NFIB: variants seen among roughly 807,000 people sequenced by gnomAD.
NFIB encodes the protein nuclear factor I B.
Under a neutral mutation model 61.5 loss-of-function variants are expected in NFIB, and 11 were observed. That is an observed-to-expected ratio of 0.18 (90% CI 0.11 to 0.30). NFIB has a LOEUF of 0.30. Ranked by LOEUF, NFIB falls within the 10% of genes least tolerant of loss-of-function variation. The pLI is 1.00. For synonymous variants in NFIB, 260 were observed against 216.5 expected, an observed-to-expected ratio of 1.20 and a Z score of -1.76; for missense variants, 471 against 608.9, an observed-to-expected ratio of 0.77 and a Z score of 2.38.
At chr9:14,294,149 T>G (rs1336936645) in intron 2 of NFIB, among the ~76,000 whole-genome samples, 1 of 152,212 alleles carries the variant, frequency 6.6e-6, no homozygotes, top group Non-Finnish European at 1.5e-5. Context: ...CAAAAGGGAT[T>G]AATGTAGTAT....
At chr9:14,280,739 C>T (rs1240089308) in intron 2 of NFIB, among the ~76,000 whole-genome samples, 2 of 151,882 alleles carry the variant, frequency 1.3e-5, no homozygotes. Flanking sequence ...GAGGATGCAC[C>T]TATTTTGTAA....
upstream of NFIB, among the ~76,000 whole-genome samples, chr9:14,315,387 C>T (rs537328973): frequency 6.6e-6 from 1 of 150,876 alleles, no homozygotes; most frequent in South Asian, 2.1e-4. Flanking sequence ...CCTCCACCTC[C>T]TCCCCGCGCC....
chr9:14,330,846 C>T (rs761004734), intron 1 of NFIB, among the ~76,000 whole-genome samples: 4 of 152,084 alleles, frequency 2.6e-5, no homozygotes, highest in Non-Finnish European at 4.4e-5. Context: ...GCTCCAGGCT[C>T]ATTCATAGAT....
chr9:14,516,139 G>T, the NFIB span, among the ~76,000 whole-genome samples: 1 of 152,228 alleles, frequency 6.6e-6, no homozygotes, highest in Non-Finnish European at 1.5e-5. Context: ...TCGAACCACA[G>T]TCAGGCGCAG....
intron 2 of NFIB, among the ~76,000 whole-genome samples, chr9:14,281,176 T>G (rs1588105961): frequency 6.6e-6 from 1 of 152,202 alleles, no homozygotes; most frequent in Non-Finnish European, 1.5e-5. Flanking sequence ...GCTTGACAGT[T>G]GTTAACAGTT....
chr9:14,384,368 T>A (rs1364930019), intron 1 of NFIB, among the ~76,000 whole-genome samples: 4 of 152,184 alleles, frequency 2.6e-5, no homozygotes, highest in African/African-American at 9.7e-5. Flanking sequence ...TAAAATTAGT[T>A]CAAATATTTC....
At chr9:14,501,535 G>C in the NFIB span, among the ~76,000 whole-genome samples, 1 of 152,044 alleles carries the variant, frequency 6.6e-6, no homozygotes, top group Admixed American at 6.6e-5. Flanking sequence ...TATTTCACAG[G>C]TTAATTGTGA....
chr9:14,206,491 A>G (rs1411787511), intron 2 of NFIB, among the ~76,000 whole-genome samples: 2 of 151,780 alleles, frequency 1.3e-5, no homozygotes, highest in Non-Finnish European at 2.9e-5. Flanking sequence ...TTAAAACTTG[A>G]GCTAATTTCT....
intron 2 of NFIB, among the ~76,000 whole-genome samples, chr9:14,212,701 G>A (rs1458893370): frequency 6.6e-6 from 1 of 151,134 alleles, no homozygotes; most frequent in African/African-American, 2.4e-5. Context: ...ATTAATAAAT[G>A]TTTGCTAGAT....
rs180813009 is a variant in NFIB, at chr9:14,120,948, T to C, written c.1061-324A>G. Among the ~76,000 whole-genome samples the C allele has an allele frequency of 3.3e-5, 5 of 152,316 alleles. No individual in the cohort carries two copies. The highest frequency in any genetic ancestry group is 1.9e-4 in the East Asian group (1 of 5,180). On this transcript the variant is annotated intron_variant, in intron 7 of 10. Transcript: ENST00000380953. This position sits in a 1 kb window ranked among gnomAD's most constrained non-coding sequence, Gnocchi z 4.4. ...CTTCTTTGAGCAAAGATATATCCCG[T>C]TGAAAACATATTCTTTGATTATAAA...
intron 1 of NFIB, among the ~76,000 whole-genome samples, chr9:14,373,133 G>T (rs1044249828): frequency 2.0e-5 from 3 of 152,190 alleles, no homozygotes; most frequent in Non-Finnish European, 4.4e-5. Context: ...GAGAAGGGTG[G>T]TGGGAATGCT....
the NFIB span, among the ~76,000 whole-genome samples, chr9:14,494,746 T>C: frequency 5.3e-5 from 8 of 152,216 alleles, no homozygotes; most frequent in Admixed American, 2.0e-4. Flanking sequence ...TAAAGACTTA[T>C]TGCAGAACAG....
At chr9:14,369,339 T>C (rs1255765825) in intron 1 of NFIB, among the ~76,000 whole-genome samples, 1 of 152,218 alleles carries the variant, frequency 6.6e-6, no homozygotes, top group Non-Finnish European at 1.5e-5. Context: ...TTTCAAATTA[T>C]CTAATTATCA....
chr9:14,423,117 G>A, the NFIB span, among the ~76,000 whole-genome samples: 1 of 152,178 alleles, frequency 6.6e-6, no homozygotes, highest in Non-Finnish European at 1.5e-5. Flanking sequence ...AATTCAGAGT[G>A]CTACCATTAG....
At chr9:14,347,282 A>T (rs1564022803) in intron 1 of NFIB, 3 of 152,000 alleles carry the variant, frequency 2.0e-5, no homozygotes, top group Non-Finnish European at 4.4e-5. Context: ...AGAGTGGGGG[A>T]TGAGAAACGA....
At chr9:14,339,769 T>C (rs1030420350) in intron 1 of NFIB, among the ~76,000 whole-genome samples, 3 of 152,156 alleles carry the variant, frequency 2.0e-5, no homozygotes, top group African/African-American at 7.2e-5. Context: ...CATCTGCTAA[T>C]TTGTAAGAGA....
chr9:14,524,880 T>G, the NFIB span, among the ~76,000 whole-genome samples: 1 of 152,192 alleles, frequency 6.6e-6, no homozygotes, highest in South Asian at 2.1e-4. Flanking sequence ...TATGTATACC[T>G]TAGATTTGTT....
At chr9:14,314,724 TCTC>T (rs1301099275), upstream of NFIB, 5 of 80,372 alleles carry the variant, frequency 6.2e-5, no homozygotes, top group Admixed American at 3.1e-4. Context: ...TCCTCCTCCT[TCTC>T]CTTCTCTCCC....
At chr9:14,350,729 G>T (rs975931327) in intron 1 of NFIB, among the ~76,000 whole-genome samples, 5 of 152,180 alleles carry the variant, frequency 3.3e-5, no homozygotes, top group African/African-American at 1.2e-4. Flanking sequence ...TATGGGCGCT[G>T]ATCGTGAGAG....
Sources: allele counts gnomAD v4.1 joint callset (sites outside exome capture counted in the v4.1 genomes callset), GRCh38; gene constraint gnomAD v4.1.1; non-coding constraint Gnocchi (gnomAD v3.1); transcripts MANE v1.5; gene names NCBI Gene and HGNC (gene_info 2026-07-23, HGNC 2026-07-21).